Variants in ATL1 observed in about 807,000 individuals in gnomAD.
ATL1 encodes atlastin-1.
Under a neutral mutation model 75.5 loss-of-function variants are expected in ATL1, and 31 were observed. That is an observed-to-expected ratio of 0.41 (90% CI 0.31 to 0.55). ATL1 has a LOEUF of 0.55. Ranked by LOEUF, ATL1 falls within the 20% of genes least tolerant of loss-of-function variation. The pLI, the probability that ATL1 is intolerant of heterozygous loss-of-function variation, is 0.27. For synonymous variants in ATL1, 226 were observed against 233.3 expected (o/e 0.97, Z 0.28); for missense variants, 405 against 662.6 (o/e 0.61, Z 4.27).
At chr14:50,584,085 A>G (rs2039079876) in intron 1 of ATL1, among the ~76,000 whole-genome samples, 1 of 152,204 alleles carries the variant, frequency 6.6e-6, no homozygotes, top group Non-Finnish European at 1.5e-5. Context: ...ACTTTAAAAC[A>G]TAGAAAAGTC....
intron 1 of ATL1, 61 bp from the exon 2 acceptor site, chr14:50,587,770 C>T (rs1031214248): frequency 1.9e-6 from 3 of 1,608,348 alleles, no homozygotes; most frequent in Admixed American, 3.3e-5. Flanking sequence ...TTAAGAGGTA[C>T]ATATACATTT....
chr14:50,596,576 T>A (rs977548763), intron 6 of ATL1, among the ~76,000 whole-genome samples: 3 of 152,222 alleles, frequency 2.0e-5, no homozygotes, highest in African/African-American at 7.2e-5. Context: ...TACCACATAT[T>A]AAGCCACAAA....
chr14:50,587,806 A>G (rs1404942213), intron 1 of ATL1, 25 bp from the exon 2 acceptor site: 1 of 1,614,128 alleles, frequency 6.2e-7, no homozygotes, highest in Admixed American at 1.7e-5. Flanking sequence ...TGATTAGCTG[A>G]ACCAGTCACT....
At chr14:50,595,333 T>G (rs2039204073) in intron 5 of ATL1, among the ~76,000 whole-genome samples, 1 of 152,216 alleles carries the variant, frequency 6.6e-6, no homozygotes, top group Non-Finnish European at 1.5e-5. Context: ...AATGGAAATT[T>G]TATTTTTAAA....
At chr14:50,545,312 G>C (rs947190099) in intron 1 of ATL1, among the ~76,000 whole-genome samples, 3 of 152,204 alleles carry the variant, frequency 2.0e-5, no homozygotes, top group African/African-American at 7.2e-5. Flanking sequence ...TTTGGTCTCA[G>C]CTCCCTCCCA....
intron 1 of ATL1, among the ~76,000 whole-genome samples, chr14:50,547,068 AG>A (rs988228979): frequency 2.6e-5 from 4 of 151,738 alleles, no homozygotes; most frequent in Admixed American, 6.6e-5. Flanking sequence ...ACACAGGGGG[AG>A]GGGGGAACTT....
intron 11 of ATL1, among the ~76,000 whole-genome samples, chr14:50,624,954 C>G (rs1296434434): frequency 6.7e-6 from 1 of 149,368 alleles, no homozygotes; most frequent in Non-Finnish European, 1.5e-5. Context: ...CCCATAGTCC[C>G]AGTTACTTGG....
At chr14:50,557,468 A>G (rs2038778248), upstream of ATL1, among the ~76,000 whole-genome samples, 1 of 152,064 alleles carries the variant, frequency 6.6e-6, no homozygotes, top group Non-Finnish European at 1.5e-5. Context: ...TTTCCTCCTC[A>G]TTTAACATTG....
chr14:50,590,888 A>C, intron 2 of ATL1, 53 bp from the exon 3 acceptor site: 2 of 1,582,870 alleles, frequency 1.3e-6, no homozygotes, highest in Non-Finnish European at 1.7e-6. Flanking sequence ...AATGAATGGA[A>C]AAAACTATAT....
intron 4 of ATL1, among the ~76,000 whole-genome samples, chr14:50,592,926 A>AT (rs1198573476): frequency 8.3e-4 from 86 of 103,178 alleles, no homozygotes; most frequent in African/African-American, 1.8e-3. Context: ...AAAAAAAAAA[A>AT]AAAATATATA....
At chr14:50,564,842 T>G (rs2038887744) in intron 1 of ATL1, among the ~76,000 whole-genome samples, 8 of 152,064 alleles carry the variant, frequency 5.3e-5, no homozygotes, top group Admixed American at 5.2e-4. Flanking sequence ...GAGGAAAGAT[T>G]TAAAACAATC....
intron 11 of ATL1, 24 bp from the exon 12 acceptor site, chr14:50,628,007 C>T: frequency 1.2e-6 from 2 of 1,613,706 alleles, no homozygotes; most frequent in African/African-American, 1.3e-5. Context: ...ATTGCATAAA[C>T]AAATACTTCT....
chr14:50,590,795 A>G, intron 2 of ATL1, 146 bp from the exon 3 acceptor site: 1 of 784,536 alleles, frequency 1.3e-6, no homozygotes, highest in South Asian at 1.7e-5. Flanking sequence ...TTTTTGGATG[A>G]ATAAAGTGAT....
At chr14:50,591,920 C>G in intron 4 of ATL1, 2 of 359,492 alleles carry the variant, frequency 5.6e-6, no homozygotes, top group Non-Finnish European at 1.0e-5. Flanking sequence ...CTACAATAAA[C>G]TCAGTAACAT....
At chr14:50,591,701 C>T in intron 4 of ATL1, 62 bp downstream of exon 4, 3 of 1,146,950 alleles carry the variant, frequency 2.6e-6, no homozygotes, top group Non-Finnish European at 3.9e-6. Context: ...ATATGTGTTT[C>T]TACATACATG....
intron 8 of ATL1, among the ~76,000 whole-genome samples, chr14:50,618,317 C>T (rs1183148583): frequency 4.6e-5 from 7 of 152,016 alleles, no homozygotes; most frequent in East Asian, 1.9e-4. Flanking sequence ...AAAACAGGAA[C>T]GTGGTAACAT....
At chr14:50,547,629 C>G (rs901044125) in intron 1 of ATL1, among the ~76,000 whole-genome samples, 5 of 152,164 alleles carry the variant, frequency 3.3e-5, no homozygotes, top group African/African-American at 1.2e-4. Context: ...TATAACAGCC[C>G]TGTGTGGCCT....
chr14:50,631,238 C>T (rs927131976), intron 13 of ATL1, among the ~76,000 whole-genome samples: 1 of 149,288 alleles, frequency 6.7e-6, no homozygotes, highest in Non-Finnish European at 1.5e-5. Flanking sequence ...CCAGCCTGAG[C>T]GAGAGAGTGA....
chr14:50,543,799 G>A (rs924812445), intron 1 of ATL1, among the ~76,000 whole-genome samples: 2 of 152,162 alleles, frequency 1.3e-5, no homozygotes, highest in Non-Finnish European at 2.9e-5. Context: ...TCTCTTGAAA[G>A]TTTTTTTCTC....
Sources: allele counts gnomAD v4.1 joint callset (sites outside exome capture counted in the v4.1 genomes callset), GRCh38; gene constraint gnomAD v4.1.1; transcripts MANE v1.5; gene names NCBI Gene and HGNC (gene_info 2026-07-23, HGNC 2026-07-21).